KIAA0232: variants seen among roughly 807,000 people sequenced by gnomAD.
KIAA0232 encodes uncharacterized protein KIAA0232.
Under a neutral mutation model 122.0 loss-of-function variants are expected in KIAA0232, and 27 were observed. That is an observed-to-expected ratio of 0.22 (90% CI 0.16 to 0.31). The LOEUF (loss-of-function observed/expected upper bound fraction) is 0.31, where lower values mean the gene tolerates loss of function less well. Ranked by LOEUF, KIAA0232 falls within the 10% of genes least tolerant of loss-of-function variation. The probability of loss-of-function intolerance (pLI) is 1.00; values close to 1 mark genes in which losing one functional copy is unlikely to be tolerated. For missense variants in KIAA0232, 1,551 were observed against 1,634.2 expected, an observed-to-expected ratio of 0.95 and a Z score of 0.88; for synonymous variants, 613 against 587.6, an observed-to-expected ratio of 1.04 and a Z score of -0.63.
At chr4:6,846,671 C>G (rs561403865) in intron 4 of KIAA0232, among the ~76,000 whole-genome samples, 2 of 152,074 alleles carry the variant, frequency 1.3e-5, no homozygotes, top group South Asian at 4.2e-4. Flanking sequence ...AAAGAACCCT[C>G]TTTAACTATT....
At chr4:6,874,661 T>C (rs1325340102) in intron 8 of KIAA0232, among the ~76,000 whole-genome samples, 2 of 152,164 alleles carry the variant, frequency 1.3e-5, no homozygotes, top group Admixed American at 1.3e-4. Flanking sequence ...TGTATTGGAA[T>C]CCAGAGCTTC....
chr4:6,823,256 T>C (rs971045926), intron 2 of KIAA0232, among the ~76,000 whole-genome samples: 4 of 152,092 alleles, frequency 2.6e-5, no homozygotes, highest in African/African-American at 9.7e-5. Flanking sequence ...CATATGTCTT[T>C]ATAGCAGCAT....
At chr4:6,825,362 G>T (rs1282139348) in intron 3 of KIAA0232, among the ~76,000 whole-genome samples, 4 of 152,094 alleles carry the variant, frequency 2.6e-5, no homozygotes, top group Non-Finnish European at 1.5e-5. Flanking sequence ...ACCAGCCTTG[G>T]CAACATAGAA....
At chr4:6,873,554 G>A (rs1271916523) in intron 8 of KIAA0232, among the ~76,000 whole-genome samples, 1 of 152,102 alleles carries the variant, frequency 6.6e-6, no homozygotes, top group Non-Finnish European at 1.5e-5. Flanking sequence ...ATGATTTTGA[G>A]ACACAGAGTT....
chr4:6,794,911 C>G (rs1717063331), intron 1 of KIAA0232, among the ~76,000 whole-genome samples: 1 of 152,062 alleles, frequency 6.6e-6, no homozygotes, highest in Non-Finnish European at 1.5e-5. Flanking sequence ...ATCTCCTTGT[C>G]TAGTAGCTTG....
intron 3 of KIAA0232, among the ~76,000 whole-genome samples, chr4:6,839,116 A>T (rs1297979639): frequency 6.6e-6 from 1 of 152,088 alleles, no homozygotes; most frequent in Non-Finnish European, 1.5e-5. Flanking sequence ...ACAGAGCAAG[A>T]CTCTGTCTCA....
chr4:6,829,162 C>T (rs906238479), intron 3 of KIAA0232, among the ~76,000 whole-genome samples: 1 of 151,970 alleles, frequency 6.6e-6, no homozygotes, highest in Non-Finnish European at 1.5e-5. Context: ...GATATTTCCT[C>T]GTATCTTTAG....
At chr4:6,803,058 G>A (rs945675509) in intron 1 of KIAA0232, among the ~76,000 whole-genome samples, 44 of 148,220 alleles carry the variant, frequency 3.0e-4, no homozygotes, top group African/African-American at 1.0e-3. Flanking sequence ...GTGCATGCTT[G>A]TGGTCCCTGC....
chr4:6,852,504 G>A (rs1214202079), intron 4 of KIAA0232, among the ~76,000 whole-genome samples: 1 of 152,046 alleles, frequency 6.6e-6, no homozygotes, highest in Non-Finnish European at 1.5e-5. Flanking sequence ...GTATCTAGTT[G>A]GGTTTCCTAC....
At position 6,852,478 on chromosome 4, in the gene KIAA0232, A is replaced by G. The variant is rs1720344354; in HGVS notation, c.370-4686A>G. On this transcript the variant is annotated intron_variant, in intron 4 of 9. Coordinates refer to ENST00000307659, the MANE Select transcript of KIAA0232 (RefSeq NM_014743.3). ...CAGTGAAACGATTACCATGATCACCAGTAGTCATTCTATCAGTATCTAGTT... is the reference window on the plus strand; with the variant it reads ...CAGTGAAACGATTACCATGATCACCGGTAGTCATTCTATCAGTATCTAGTT... 2.6e-5 allele frequency among the ~76,000 whole-genome samples: 4 copies of G among 152,332 alleles called. 1 individual carries two copies. The South Asian group carries it at 8.3e-4, about 32-fold the overall frequency.
intron 2 of KIAA0232, among the ~76,000 whole-genome samples, chr4:6,806,770 A>C: frequency 6.6e-6 from 1 of 151,596 alleles, no homozygotes; most frequent in Admixed American, 6.6e-5. Context: ...AAAAGAATTA[A>C]AACAATAAGA....
intron 1 of KIAA0232, among the ~76,000 whole-genome samples, chr4:6,791,145 CCT>C (rs1716875737): frequency 6.6e-6 from 1 of 151,150 alleles, no homozygotes; most frequent in African/African-American, 2.4e-5. Context: ...GTCTCGAACT[CCT>C]GAGCTCAGGC....
chr4:6,791,179 C>T (rs1434103999), intron 1 of KIAA0232, among the ~76,000 whole-genome samples: 1 of 151,610 alleles, frequency 6.6e-6, no homozygotes, highest in Non-Finnish European at 1.5e-5. Flanking sequence ...CTTGGCCTCC[C>T]AAAGTGTTGG....
intron 1 of KIAA0232, among the ~76,000 whole-genome samples, chr4:6,800,330 C>T (rs1421353023): frequency 2.0e-5 from 3 of 148,664 alleles, no homozygotes; most frequent in South Asian, 4.3e-4. Context: ...AGTACTGAGT[C>T]ATCGTGCCTG....
chr4:6,837,564 G>A (rs1440919378), intron 3 of KIAA0232, among the ~76,000 whole-genome samples: 2 of 152,236 alleles, frequency 1.3e-5, no homozygotes, highest in Non-Finnish European at 2.9e-5. Context: ...AAGGCAGGCG[G>A]CTGGGAGGTG....
At chr4:6,838,350 G>A (rs1719459861) in intron 3 of KIAA0232, among the ~76,000 whole-genome samples, 2 of 152,000 alleles carry the variant, frequency 1.3e-5, no homozygotes, top group Non-Finnish European at 2.9e-5. Context: ...CACCATGCCC[G>A]GCTAATTTTT....
intron 1 of KIAA0232, among the ~76,000 whole-genome samples, chr4:6,783,782 A>G (rs1038127726): frequency 6.6e-6 from 1 of 152,136 alleles, no homozygotes; most frequent in South Asian, 2.1e-4. Context: ...GCCCACAGTC[A>G]TCCGTGCGCT....
chr4:6,842,670 C>G (rs1286780177), intron 4 of KIAA0232, among the ~76,000 whole-genome samples: 1 of 151,400 alleles, frequency 6.6e-6, no homozygotes, highest in Admixed American at 6.6e-5. Context: ...ACTGCAACCT[C>G]TGCCTCCCAG....
At chr4:6,832,002 C>G (rs1390246561) in intron 3 of KIAA0232, among the ~76,000 whole-genome samples, 1 of 152,230 alleles carries the variant, frequency 6.6e-6, no homozygotes, top group African/African-American at 2.4e-5. Flanking sequence ...CAATGCCTGG[C>G]ACCTCAGCAG....
Sources: gnomAD v4.1 joint callset for allele counts (sites outside exome capture counted in the v4.1 genomes callset) on GRCh38, gnomAD v4.1.1 for gene constraint, MANE v1.5 for transcripts, NCBI Gene and HGNC (gene_info 2026-07-23, HGNC 2026-07-21) for gene names.